Variants in PGM5 observed in about 807,000 individuals in gnomAD.
PGM5 encodes the protein phosphoglucomutase-like protein 5.
In PGM5, 23 loss-of-function variants were observed where a neutral mutation model predicts 59.2. The ratio of observed to expected loss-of-function variants is 0.39; its 90% CI spans 0.28 to 0.55. The LOEUF is 0.55. Among genes scored for constraint, PGM5 ranks in the 20% least tolerant of loss-of-function variants. The pLI is 0.66. For missense variants in PGM5, 574 were observed against 748.3 expected, an observed-to-expected ratio of 0.77 and a Z score of 2.72; for synonymous variants, 214 against 286.0, an observed-to-expected ratio of 0.75 and a Z score of 2.54.
At chr9:68,457,518 C>T (rs143010424) in intron 6 of PGM5, among the ~76,000 whole-genome samples, 1 of 152,248 alleles carries the variant, frequency 6.6e-6, no homozygotes, top group Non-Finnish European at 1.5e-5. Flanking sequence ...AGTGAGTATC[C>T]ATTTATAGTT....
chr9:68,499,328 G>A lies in PGM5; in HGVS notation c.1581G>A (p.Glu527=). ...ATLRLYAESY[E]RDPSGHDQEP... is the part of the protein sequence containing the mutation. ...TCAGACTGTACGCAGAGAGCTACGA[G>A]AGGGATCCCAGCGGCCATGACCAGG... is the stretch of plus-strand genomic sequence containing the variant. The change falls in exon 10 of 11, where the codon GAG becomes GAA. Residue 527 remains glutamate (E), a synonymous_variant. Transcript: ENST00000396396. The A allele has an allele frequency of 1.2e-6, 2 of 1,614,156 alleles. No individual in the cohort carries two copies. The highest frequency in any genetic ancestry group is 8.5e-7 in the Non-Finnish European group (1 of 1,180,022).
At chr9:68,527,734 G>GC (rs61528287) in intron 10 of PGM5, among the ~76,000 whole-genome samples, 25,688 of 152,100 alleles carry the variant, frequency 0.17, 2,437 homozygotes, top group East Asian at 0.4. Context: ...GCTTCCAGGA[G>GC]TCTATGTGAG....
intron 6 of PGM5, among the ~76,000 whole-genome samples, chr9:68,443,520 A>G (rs1554683815): frequency 1.3e-5 from 2 of 152,214 alleles, no homozygotes; most frequent in African/African-American, 4.8e-5. Flanking sequence ...AAAACCTTAA[A>G]ATATATTTCA....
At chr9:68,522,241 T>C (rs1824909554) in intron 10 of PGM5, among the ~76,000 whole-genome samples, 1 of 152,104 alleles carries the variant, frequency 6.6e-6, no homozygotes. Flanking sequence ...CATGAACAAG[T>C]CTCTTGTAAA....
chr9:68,369,547 C>T (rs1834745552), intron 1 of PGM5, among the ~76,000 whole-genome samples: 1 of 152,134 alleles, frequency 6.6e-6, no homozygotes, highest in African/African-American at 2.4e-5. Context: ...CCAGGAAGGA[C>T]ATACTTCCAA....
chr9:68,402,514 C>A (rs1221653169), intron 6 of PGM5: 1 of 152,218 alleles, frequency 6.6e-6, no homozygotes, highest in East Asian at 1.9e-4. Context: ...TCTGGAATCA[C>A]TGTTTACTGC....
chr9:68,397,799 G>A (rs1275995264), intron 6 of PGM5: 10 of 152,166 alleles, frequency 6.6e-5, no homozygotes, highest in South Asian at 2.1e-4. Context: ...GAGGAGATTA[G>A]GCATAGGACC....
At chr9:68,510,167 T>G (rs1824725369) in intron 10 of PGM5, among the ~76,000 whole-genome samples, 1 of 139,318 alleles carries the variant, frequency 7.2e-6, no homozygotes, top group Non-Finnish European at 1.6e-5. Context: ...TTTTTTTTTT[T>G]TTGAGACAGA....
chr9:68,500,478 G>T (rs1824554532), intron 10 of PGM5, among the ~76,000 whole-genome samples: 1 of 151,846 alleles, frequency 6.6e-6, no homozygotes, highest in Admixed American at 6.6e-5. Context: ...TATTCTCAGG[G>T]TTACCAAGAG....
chr9:68,378,376 A>G lies in PGM5; in HGVS notation c.424+15A>G. 23 of 1,584,676 alleles carry G rather than the reference A, an allele frequency of 1.5e-5. No individual in the cohort carries two copies. The highest frequency in any genetic ancestry group is 2.0e-5 in the Non-Finnish European group (23 of 1,167,620). ...TGCCAATGGAGGTATGTGGTTCAGCATATGCCTTAATAATTACGATTTCTT... is the reference window on the plus strand; with the variant it reads ...TGCCAATGGAGGTATGTGGTTCAGCGTATGCCTTAATAATTACGATTTCTT... On this transcript the variant is annotated intron_variant, in intron 2 of 10. Transcript: ENST00000396396.
intron 4 of PGM5, among the ~76,000 whole-genome samples, chr9:68,387,860 A>G (rs1156900413): frequency 4.6e-5 from 7 of 152,014 alleles, no homozygotes; most frequent in Non-Finnish European, 1.5e-5. Context: ...TATGCATGGC[A>G]TAGTTTAAAC....
chr9:68,395,204 A>G (rs1420411341), intron 6 of PGM5, among the ~76,000 whole-genome samples: 3 of 152,076 alleles, frequency 2.0e-5, no homozygotes, highest in Non-Finnish European at 4.4e-5. Context: ...TCCCTTATCC[A>G]GTTTTTCCAA....
intron 7 of PGM5, among the ~76,000 whole-genome samples, chr9:68,478,343 T>C (rs1233866287): frequency 6.6e-6 from 1 of 152,246 alleles, no homozygotes; most frequent in Non-Finnish European, 1.5e-5. Context: ...TCAGGAACTT[T>C]GCTTTTTCTG....
At chr9:68,491,675 A>C (rs1423433918) in intron 9 of PGM5, among the ~76,000 whole-genome samples, 4 of 152,214 alleles carry the variant, frequency 2.6e-5, no homozygotes, top group Admixed American at 2.6e-4. Flanking sequence ...ACGCATATTC[A>C]GTACTTTATA....
At chr9:68,520,520 G>T (rs565272295) in intron 10 of PGM5, among the ~76,000 whole-genome samples, 1 of 152,080 alleles carries the variant, frequency 6.6e-6, no homozygotes, top group Admixed American at 6.6e-5. Context: ...ATTACACCAC[G>T]CAACATCAAC....
At position 68,529,944 on chromosome 9, in the gene PGM5, G is replaced by T. The variant is rs1029837087; in HGVS notation, c.*288G>T. 7 of 268,048 alleles carry T rather than the reference G, an allele frequency of 2.6e-5. No homozygotes were observed. Among genetic ancestry groups the T allele is most frequent in the Non-Finnish European group, 4.9e-5 (7 of 142,240 alleles). 16.6% of individuals were successfully genotyped at this position (268,048 alleles called of 1,614,324 possible). A position where few individuals can be genotyped will look rare whatever the true frequency, so the allele number is the denominator to read the frequency against. On this transcript the variant is annotated 3_prime_UTR_variant, in exon 11 of 11. Coordinates refer to ENST00000396396, the MANE Select transcript of PGM5 (RefSeq NM_021965.4). ...AACCTCCCCTTTTGACAACAACTGG[G>T]CTAGGCAGCTGTTAATCACAACATT...
chr9:68,449,480 A>G (rs533166796), intron 6 of PGM5, among the ~76,000 whole-genome samples: 1 of 152,332 alleles, frequency 6.6e-6, no homozygotes, highest in South Asian at 2.1e-4. Context: ...CCTCAAGGTG[A>G]ACTTCAGCTA....
At chr9:68,515,806 G>T (rs1225779745) in intron 10 of PGM5, among the ~76,000 whole-genome samples, 1 of 152,128 alleles carries the variant, frequency 6.6e-6, no homozygotes, top group Non-Finnish European at 1.5e-5. Context: ...AAGCTAGAAG[G>T]GTTGTTGACT....
chr9:68,397,277 T>C (rs531245658), intron 6 of PGM5: 2 of 152,884 alleles, frequency 1.3e-5, no homozygotes, highest in African/African-American at 4.8e-5. Context: ...AATAATCTTT[T>C]GTGTCATCAT....
Sources: gnomAD v4.1 joint callset for allele counts (sites outside exome capture counted in the v4.1 genomes callset) on GRCh38, gnomAD v4.1.1 for gene constraint, MANE v1.5 for transcripts, NCBI Gene and HGNC (gene_info 2026-07-23, HGNC 2026-07-21) for gene names.